The following CCDC85C variants were observed in gnomAD, a reference collection of about 807,000 sequenced individuals.
The protein encoded by CCDC85C is coiled-coil domain containing 85C.
Under a neutral mutation model 38.3 loss-of-function variants are expected in CCDC85C, and 18 were observed. The ratio of observed to expected loss-of-function variants is 0.47; its 90% CI spans 0.33 to 0.70. CCDC85C has a LOEUF of 0.70. Among genes scored for constraint, CCDC85C ranks in the 30% least tolerant of loss-of-function variants. The pLI is 0.03. For synonymous variants in CCDC85C, 264 were observed against 293.8 expected (o/e 0.90, Z 1.04); for missense variants, 566 against 621.2 (o/e 0.91, Z 0.94).
Position 99,502,918 on chromosome 14 carries a change from G to T in CCDC85C, c.*12328C>A. ...CCCAGCAACCAGCCCAGCAGCAGCA[G>T]CCAGCCCAACAGCCCAAGAAACCCT... is the stretch of plus-strand genomic sequence containing the variant. On this transcript the variant is annotated 3_prime_UTR_variant, in exon 6 of 6. Coordinates refer to ENST00000380243, the MANE Select transcript of CCDC85C (RefSeq NM_001144995.2). 6.2e-7 allele frequency: 1 copy of T among 1,613,762 alleles called. No homozygotes were observed. The highest frequency in any genetic ancestry group is 8.5e-7 in the Non-Finnish European group (1 of 1,179,790).
intron 1 of CCDC85C, among the ~76,000 whole-genome samples, chr14:99,541,596 C>G (rs1897714631): frequency 6.6e-6 from 1 of 152,148 alleles, no homozygotes; most frequent in Non-Finnish European, 1.5e-5. Context: ...CCGGTGAGCT[C>G]TAGGGCTCGG....
At chr14:99,563,989 G>C (rs937432669) in intron 1 of CCDC85C, among the ~76,000 whole-genome samples, 1 of 152,206 alleles carries the variant, frequency 6.6e-6, no homozygotes, top group African/African-American at 2.4e-5. Flanking sequence ...CGGACCATCT[G>C]CAAGTGTATA....
intron 1 of CCDC85C, among the ~76,000 whole-genome samples, chr14:99,581,306 C>T (rs1260170200): frequency 6.6e-6 from 1 of 152,248 alleles, no homozygotes; most frequent in African/African-American, 2.4e-5. Context: ...GAACAGACCA[C>T]CAACTATGCC....
Position 99,533,841 on chromosome 14 carries a change from C to G in CCDC85C, c.867+2174G>C, listed in dbSNP as rs1897539689. Among the ~76,000 whole-genome samples, 2 of 152,192 alleles carry G rather than the reference C, an allele frequency of 1.3e-5. No individual in the cohort carries two copies. The highest frequency in any genetic ancestry group is 4.8e-5 in the African/African-American group (2 of 41,454). On this transcript the variant is annotated intron_variant, in intron 2 of 5. Coordinates refer to ENST00000380243, the MANE Select transcript of CCDC85C (RefSeq NM_001144995.2). The surrounding 1 kb of genome is among the most constrained non-coding windows in gnomAD (Gnocchi z 4.2). ...TTATGGTGGAGGGCCCCCTGTGAGA[C>G]CGGGGGGCACCCCAGGAAGGAAGGC...
At chr14:99,553,489 C>T (rs1041586849) in intron 1 of CCDC85C, among the ~76,000 whole-genome samples, 13 of 152,180 alleles carry the variant, frequency 8.5e-5, no homozygotes, top group Non-Finnish European at 1.6e-4. Context: ...CTCAGCCTCC[C>T]GAGTAAATGG....
chr14:99,548,844 A>G lies in CCDC85C; in HGVS notation c.794-12756T>C, dbSNP rs1897854170. Among the ~76,000 whole-genome samples, 1 of 152,154 alleles carries G rather than the reference A, an allele frequency of 6.6e-6. No individual in the cohort carries two copies. Among genetic ancestry groups the G allele is most frequent in the South Asian group, 2.1e-4 (1 of 4,828 alleles). On this transcript the variant is annotated intron_variant, in intron 1 of 5. Transcript: ENST00000380243. The surrounding 1 kb of genome is among the most constrained non-coding windows in gnomAD (Gnocchi z 4.9). Reference sequence around the variant, plus strand: ...AAAAACAAAACAAAAAGATGAACCAAATACATCTCAAAAACATGAAGAGGA... The same window carrying G: ...AAAAACAAAACAAAAAGATGAACCAGATACATCTCAAAAACATGAAGAGGA...
At chr14:99,571,345 GTAATAA>G (rs3070433) in intron 1 of CCDC85C, among the ~76,000 whole-genome samples, 18 of 149,964 alleles carry the variant, frequency 1.2e-4, no homozygotes, top group Admixed American at 6.6e-4. Context: ...AGTAGTAGTA[GTAATAA>G]TAATAATAAT....
At position 99,516,201 on chromosome 14, in the gene CCDC85C, C is replaced by T. The variant is rs1202097197; in HGVS notation, c.1157G>A (p.Arg386His). The change falls in exon 5 of 6, where the codon CGC (arginine) becomes CAC (histidine). Residue 386 changes from arginine (R) to histidine (H), a missense_variant. By Grantham distance (29) the Arg-to-His change is conservative. Coordinates refer to ENST00000380243, the MANE Select transcript of CCDC85C (RefSeq NM_001144995.2). This position sits in a 1 kb window ranked among gnomAD's most constrained non-coding sequence, Gnocchi z 5.5. The part of the protein sequence containing the change: ...DLSEKEKAIV[R>H]EMCNVVWRKL... ...TGGAAGCCTCACGTTGCACATCTCGCGAACGATGGCCTTCTCCTTCTCACT... is the reference window on the plus strand; with the variant it reads ...TGGAAGCCTCACGTTGCACATCTCGTGAACGATGGCCTTCTCCTTCTCACT... 5.2e-6 allele frequency: 8 copies of T among 1,551,266 alleles called. No individual in the cohort carries two copies. Among genetic ancestry groups the T allele is most frequent in the Middle Eastern group, 1.7e-4 (1 of 5,990 alleles).
intron 1 of CCDC85C, among the ~76,000 whole-genome samples, chr14:99,584,683 C>T (rs896401166): frequency 2.3e-4 from 35 of 152,246 alleles, no homozygotes; most frequent in African/African-American, 6.0e-4. Flanking sequence ...GACACTGAAA[C>T]GCAAATCCTT....
intron 1 of CCDC85C, among the ~76,000 whole-genome samples, chr14:99,542,941 C>T (rs1041491452): frequency 1.3e-5 from 2 of 152,154 alleles, no homozygotes; most frequent in East Asian, 1.9e-4. Context: ...CCCATCTTCT[C>T]GAGGGACTTG....
At chr14:99,550,186 G>A (rs1198179819) in intron 1 of CCDC85C, among the ~76,000 whole-genome samples, 2 of 152,234 alleles carry the variant, frequency 1.3e-5, no homozygotes, top group Non-Finnish European at 2.9e-5. Context: ...CCTGGCAAAT[G>A]GGACTTTGCA....
At chr14:99,557,364 G>A (rs1053172795) in intron 1 of CCDC85C, among the ~76,000 whole-genome samples, 2 of 152,230 alleles carry the variant, frequency 1.3e-5, no homozygotes, top group Non-Finnish European at 2.9e-5. Flanking sequence ...CAAGAGCTGG[G>A]TTAACAAGGC....
At chr14:99,597,508 G>A (rs1004693501) in intron 1 of CCDC85C, among the ~76,000 whole-genome samples, 6 of 152,198 alleles carry the variant, frequency 3.9e-5, no homozygotes, top group East Asian at 1.9e-4. Context: ...CAGTGTCCAC[G>A]CAACCTCCCC....
In CCDC85C at chr14:99,572,859, C is replaced by T. The variant is rs79184093; in HGVS notation, c.793+30308G>A. ...TGGTGTGCAACAGGTGCTCAGTAAA[C>T]GGCTAAGGAAGGAATGTCTGCCCAA... On this transcript the variant is annotated intron_variant, in intron 1 of 5. Coordinates refer to ENST00000380243, the MANE Select transcript of CCDC85C (RefSeq NM_001144995.2). This position sits in a 1 kb window ranked among gnomAD's most constrained non-coding sequence, Gnocchi z 4.4. 8.5e-3 allele frequency: 3,867 copies of T among 455,722 alleles called. 127 individuals are homozygous for T. The highest frequency in any genetic ancestry group is 0.067 in the African/African-American group (3,377 of 50,174). 28.2% of individuals were successfully genotyped at this position (455,722 alleles called of 1,614,324 possible).
At chr14:99,578,428 C>A (rs1336324178) in intron 1 of CCDC85C, among the ~76,000 whole-genome samples, 1 of 152,188 alleles carries the variant, frequency 6.6e-6, no homozygotes, top group Non-Finnish European at 1.5e-5. Context: ...ACCCATACAG[C>A]CCACACCTAT....
intron 1 of CCDC85C, among the ~76,000 whole-genome samples, chr14:99,594,032 G>A (rs1209445552): frequency 7.0e-6 from 1 of 142,246 alleles, no homozygotes; most frequent in African/African-American, 2.5e-5. Context: ...GGGTGGGGGC[G>A]GGGGGCGGGG....
At chr14:99,580,690 C>T (rs1370306579) in intron 1 of CCDC85C, among the ~76,000 whole-genome samples, 2 of 152,054 alleles carry the variant, frequency 1.3e-5, no homozygotes, top group Admixed American at 6.5e-5. Context: ...CATGGTGAAA[C>T]CCCACCTCTG....
At chr14:99,547,446 G>A (rs565615469) in intron 1 of CCDC85C, among the ~76,000 whole-genome samples, 14 of 151,986 alleles carry the variant, frequency 9.2e-5, no homozygotes, top group Non-Finnish European at 1.8e-4. Flanking sequence ...ATTAGATAGT[G>A]GTGATAAGTG....
intron 1 of CCDC85C, among the ~76,000 whole-genome samples, chr14:99,549,867 G>C (rs182557520): frequency 6.6e-6 from 1 of 152,210 alleles, no homozygotes; most frequent in African/African-American, 2.4e-5. Flanking sequence ...CCTTTCATGC[G>C]CAGGGCATGT....
Sources: gnomAD v4.1 joint callset for allele counts (sites outside exome capture counted in the v4.1 genomes callset) on GRCh38, gnomAD v4.1.1 for gene constraint, Gnocchi (gnomAD v3.1) non-coding constraint, MANE v1.5 for transcripts, NCBI Gene and HGNC (gene_info 2026-07-23, HGNC 2026-07-21) for gene names.